The following SLC38A10 variants were observed in gnomAD, a reference collection of about 807,000 sequenced individuals.
SLC38A10 encodes the protein Sodium-coupled neutral amino acid transporter 10.
SLC38A10 carries 53 observed loss-of-function variants against 81.0 expected under a neutral mutation model. The observed-to-expected ratio is 0.65, with a 90% confidence interval of 0.53 to 0.82. The LOEUF is 0.82. SLC38A10 is among the 40% of genes least tolerant of loss of function. SLC38A10 has a pLI of 0.00. For missense variants in SLC38A10, 1,471 were observed against 1,545.0 expected, an observed-to-expected ratio of 0.95 and a Z score of 0.80; for synonymous variants, 665 against 655.3, an observed-to-expected ratio of 1.01 and a Z score of -0.23.
At chr17:81,262,886 A>G (rs2063035737) in intron 10 of SLC38A10, 2 of 152,148 alleles carry the variant, frequency 1.3e-5, no homozygotes, top group Admixed American at 1.3e-4. Flanking sequence ...CTCCATGACT[A>G]TAATGATTTA....
In SLC38A10 at chr17:81,253,195, G is replaced by A. The variant is rs148703437; in HGVS notation, c.1334C>T (p.Pro445Leu). The change falls in exon 12 of 16, where the codon CCG (proline) becomes CTG (leucine). Residue 445 changes from proline to leucine, a missense_variant. Coordinates refer to ENST00000374759, the MANE Select transcript of SLC38A10 (RefSeq NM_001037984.3). The surrounding 1 kb of genome is among the most constrained non-coding windows in gnomAD (Gnocchi z 4.1). ...VAVAEDGREK[P>L]KLPKEREELE... Reference sequence around the variant, plus strand: ...CTCCTCTCTCTCCTTCGGCAGCTTCGGCTTCTCCCGGCCATCCTCAGCCAC... The same window carrying A: ...CTCCTCTCTCTCCTTCGGCAGCTTCAGCTTCTCCCGGCCATCCTCAGCCAC... 2.3e-5 allele frequency: 37 copies of A among 1,613,580 alleles called. No individual in the cohort carries two copies. The highest frequency in any genetic ancestry group is 1.2e-4 in the Admixed American group (7 of 59,988).
At chr17:81,250,553 C>T (rs1221090068) in intron 14 of SLC38A10, among the ~76,000 whole-genome samples, 1 of 152,224 alleles carries the variant, frequency 6.6e-6, no homozygotes, top group Non-Finnish European at 1.5e-5. Flanking sequence ...GAGGCTGGAG[C>T]GGCTGTGCCC....
intron 8 of SLC38A10, among the ~76,000 whole-genome samples, chr17:81,275,504 C>T (rs1016564380): frequency 1.1e-4 from 17 of 151,732 alleles, no homozygotes; most frequent in African/African-American, 2.9e-4. Flanking sequence ...GAGGCCGAGA[C>T]GGGCGGATCA....
rs1004375417 is a variant in SLC38A10 at position 81,270,063 on chromosome 17, C to T, written c.1131+855G>A. On this transcript the variant is annotated intron_variant, in intron 10 of 15. Coordinates refer to ENST00000374759, the MANE Select transcript of SLC38A10 (RefSeq NM_001037984.3). This position sits in a 1 kb window ranked among gnomAD's most constrained non-coding sequence, Gnocchi z 4.0. Reference sequence around the variant, plus strand: ...CACAAGCAGTTCACAGAAAAAGAAACGCAAGTGGCTTCTAAACCCATGAAA... The same window carrying T: ...CACAAGCAGTTCACAGAAAAAGAAATGCAAGTGGCTTCTAAACCCATGAAA... Among the ~76,000 whole-genome samples the T allele has an allele frequency of 2.6e-5, 4 of 152,138 alleles. No homozygotes were observed. The highest frequency in any genetic ancestry group is 6.5e-5 in the Admixed American group (1 of 15,276).
chr17:81,287,182 G>GC (rs1453957161), intron 2 of SLC38A10, among the ~76,000 whole-genome samples: 2 of 152,240 alleles, frequency 1.3e-5, no homozygotes, highest in African/African-American at 4.8e-5. Flanking sequence ...ACATGGCACT[G>GC]GAGGACAGCG....
At position 81,253,015 on chromosome 17, in the gene SLC38A10, G is replaced by T; in HGVS notation, c.1456+58C>A. The T allele has an allele frequency of 6.3e-7, 1 of 1,588,578 alleles. No homozygotes were observed. Among genetic ancestry groups the T allele is most frequent in the Non-Finnish European group, 8.6e-7 (1 of 1,167,790 alleles). On this transcript the variant is annotated intron_variant, in intron 12 of 15. Coordinates refer to ENST00000374759, the MANE Select transcript of SLC38A10 (RefSeq NM_001037984.3). This position sits in a 1 kb window ranked among gnomAD's most constrained non-coding sequence, Gnocchi z 4.1. ...AGCCACCCCGCAGGGTGTCCAGCCTGCAAAGGAGGACCCGGGGCCGCCCTT... is the reference window on the plus strand; with the variant it reads ...AGCCACCCCGCAGGGTGTCCAGCCTTCAAAGGAGGACCCGGGGCCGCCCTT...
chr17:81,252,375 C>T lies in SLC38A10; in HGVS notation c.1765G>A (p.Val589Ile). 1.2e-6 allele frequency: 2 copies of T among 1,613,200 alleles called. No individual in the cohort carries two copies. Among genetic ancestry groups the T allele is most frequent in the East Asian group, 2.2e-5 (1 of 44,878 alleles). Reference sequence around the variant, plus strand: ...CCCAGGTCCTCCTTTGCAGGCTGGACAGCTGGCTGACCATCTGCTTCTGGA... The same window carrying T: ...CCCAGGTCCTCCTTTGCAGGCTGGATAGCTGGCTGACCATCTGCTTCTGGA... Reference protein sequence around the residue: ...KVPEADGQPAVQPAKEDLGPG... With the variant: ...KVPEADGQPAIQPAKEDLGPG... The change falls in exon 13 of 16, where the codon GTC (valine) becomes ATC (isoleucine). Residue 589 changes from valine to isoleucine, a missense_variant. Around this residue, in one of 2 missense-constraint regions of SLC38A10, gnomAD observed 720 missense variants for 827.7 expected, o/e 0.87. Transcript: ENST00000374759.
Position 81,288,509 on chromosome 17 carries a change from G to A in SLC38A10, c.217+1182C>T, listed in dbSNP as rs1029849789. Reference sequence around the variant, plus strand: ...CCCAGAATGGAACGTGGAGCCGAGAGGTGCCGAGCCTGTGGCGGGCAGGGA... The same window carrying A: ...CCCAGAATGGAACGTGGAGCCGAGAAGTGCCGAGCCTGTGGCGGGCAGGGA... On this transcript the variant is annotated intron_variant, in intron 2 of 15. Coordinates refer to ENST00000374759, the MANE Select transcript of SLC38A10 (RefSeq NM_001037984.3). This position sits in a 1 kb window ranked among gnomAD's most constrained non-coding sequence, Gnocchi z 5.4. Among the ~76,000 whole-genome samples the A allele has an allele frequency of 2.6e-5, 4 of 152,246 alleles. No homozygotes were observed. The highest frequency in any genetic ancestry group is 2.6e-4 in the Admixed American group (4 of 15,286).
intron 1 of SLC38A10, among the ~76,000 whole-genome samples, chr17:81,292,818 A>C (rs1225482647): frequency 1.3e-5 from 2 of 152,098 alleles, no homozygotes; most frequent in Non-Finnish European, 2.9e-5. Context: ...AGCCCCTTCC[A>C]CGGTGGCACT....
In SLC38A10 at chr17:81,286,937, T is replaced by G. The variant is rs1312708334; in HGVS notation, c.218-2042A>C. ...CTCTCAACAGGGCAGGGTCTGGGGC[T>G]CAGAACAGCTTCATGAGAAGCCGCG... is the stretch of plus-strand genomic sequence containing the variant. On this transcript the variant is annotated intron_variant, in intron 2 of 15. Coordinates refer to ENST00000374759, the MANE Select transcript of SLC38A10 (RefSeq NM_001037984.3). The surrounding 1 kb of genome is among the most constrained non-coding windows in gnomAD (Gnocchi z 6.0). Among the ~76,000 whole-genome samples, 1 of 152,030 alleles carries G rather than the reference T, an allele frequency of 6.6e-6. No individual in the cohort carries two copies. The highest frequency in any genetic ancestry group is 1.5e-5 in the Non-Finnish European group (1 of 67,996).
intron 8 of SLC38A10, among the ~76,000 whole-genome samples, chr17:81,273,939 G>A (rs1195058344): frequency 2.0e-5 from 3 of 152,328 alleles, no homozygotes; most frequent in South Asian, 2.1e-4. Context: ...CCGCACCTCC[G>A]GGAAAGGAGC....
rs747750986 is a variant in SLC38A10, at chr17:81,252,649, G to A, written c.1491C>T (p.His497=). ...CCTTGTCGTGAGGAACAGGAGGCTC[G>A]TGGCGGTGGGCCTCGCCCACAGGCA... ...IAVPVGEAHR[H]EPPVPHDKVV... is the part of the protein sequence containing the mutation. The change falls in exon 13 of 16, where the codon CAC becomes CAT. Residue 497 remains histidine, a synonymous_variant. Coordinates refer to ENST00000374759, the MANE Select transcript of SLC38A10 (RefSeq NM_001037984.3). 127 of 1,609,698 alleles carry A rather than the reference G, an allele frequency of 7.9e-5. No homozygotes were observed. Among genetic ancestry groups the A allele is most frequent in the Non-Finnish European group, 9.4e-5 (111 of 1,179,670 alleles).
intron 6 of SLC38A10, chr17:81,279,832 T>C: frequency 5.7e-6 from 1 of 176,144 alleles, no homozygotes; most frequent in Non-Finnish European, 1.2e-5. Flanking sequence ...CTGGGGCGCG[T>C]TCTGGTGGAG....
rs759819089 is a variant in SLC38A10, at chr17:81,277,818, G to C, written c.627-685C>G. On this transcript the variant is annotated intron_variant, in intron 6 of 15. Coordinates refer to ENST00000374759, the MANE Select transcript of SLC38A10 (RefSeq NM_001037984.3). This position sits in a 1 kb window ranked among gnomAD's most constrained non-coding sequence, Gnocchi z 4.5. ...GGAAAGGGGTGGGCGAGACGACAAGGGAGAGGCTGGGGCCATGGAGCATCT... is the reference window on the plus strand; with the variant it reads ...GGAAAGGGGTGGGCGAGACGACAAGCGAGAGGCTGGGGCCATGGAGCATCT... 6.6e-6 allele frequency among the ~76,000 whole-genome samples: 1 copy of C among 152,244 alleles called. No homozygotes were observed. Among genetic ancestry groups the C allele is most frequent in the African/African-American group, 2.4e-5 (1 of 41,460 alleles).
chr17:81,255,923 A>G (rs1469646027), intron 11 of SLC38A10, among the ~76,000 whole-genome samples: 1 of 152,198 alleles, frequency 6.6e-6, no homozygotes, highest in Non-Finnish European at 1.5e-5. Context: ...TGGAGGCTGT[A>G]GTGAGCCAAT....
chr17:81,256,113 C>T (rs907525856), intron 11 of SLC38A10, among the ~76,000 whole-genome samples: 1 of 152,276 alleles, frequency 6.6e-6, no homozygotes, highest in African/African-American at 2.4e-5. Flanking sequence ...TTCCCAGCTC[C>T]TGGCACCCAC....
Position 81,266,059 on chromosome 17 carries a change from C to G in SLC38A10, c.1131+4859G>C, listed in dbSNP as rs1289830063. ...CTACACACCAAGTCAAAAGCCGACA[C>G]TGGGCTAACGGGTAAACACTAGAAG... On this transcript the variant is annotated intron_variant, in intron 10 of 15. Transcript: ENST00000374759. Among the ~76,000 whole-genome samples, 3 of 152,218 alleles carry G rather than the reference C, an allele frequency of 2.0e-5. No individual in the cohort carries two copies. The East Asian group carries it at 5.8e-4, about 29-fold the overall frequency.
intron 11 of SLC38A10, among the ~76,000 whole-genome samples, chr17:81,255,422 G>C (rs1482033123): frequency 1.3e-5 from 2 of 152,222 alleles, no homozygotes; most frequent in Admixed American, 6.5e-5. Flanking sequence ...AAAAACGTCC[G>C]AGTGCTGCCA....
chr17:81,252,500 C>T lies in SLC38A10; in HGVS notation c.1640G>A (p.Arg547Lys), dbSNP rs767823727. Residue 547 changes from arginine to lysine, a missense_variant, in exon 13 of 16, where the codon AGA becomes AAA. Coordinates refer to ENST00000374759, the MANE Select transcript of SLC38A10 (RefSeq NM_001037984.3). ...TCCCTGCTCCGGCTCTTGTTTCTCTCTTTCTGAGTCGGGCAGAGGCGGCGC... is the reference window on the plus strand; with the variant it reads ...TCCCTGCTCCGGCTCTTGTTTCTCTTTTTCTGAGTCGGGCAGAGGCGGCGC... ...QMAPPLPDSE[R>K]EKQEPEQGEV... is the part of the protein sequence containing the mutation. The T allele has an allele frequency of 1.9e-6, 3 of 1,613,360 alleles. No individual in the cohort carries two copies. The highest frequency in any genetic ancestry group is 4.5e-5 in the East Asian group (2 of 44,880).
Sources: allele counts gnomAD v4.1 joint callset (sites outside exome capture counted in the v4.1 genomes callset), GRCh38; gene constraint gnomAD v4.1.1; regional missense constraint gnomAD v4.1.1; non-coding constraint Gnocchi (gnomAD v3.1); transcripts MANE v1.5; gene names NCBI Gene and HGNC (gene_info 2026-07-23, HGNC 2026-07-21).